MTMR1: variants seen among roughly 807,000 people sequenced by gnomAD.
MTMR1 encodes myotubularin related protein 1, also known as phosphatidylinositol-3-phosphate phosphatase MTMR1.
In MTMR1, 17 loss-of-function variants were observed where a neutral mutation model predicts 51.6. The ratio of observed to expected loss-of-function variants is 0.33; its 90% confidence interval spans 0.23 to 0.49. The LOEUF (loss-of-function observed/expected upper bound fraction) is 0.49. Ranked by LOEUF, MTMR1 falls within the 20% of genes least tolerant of loss-of-function variation. The pLI is 0.99. For synonymous variants in MTMR1, 201 were observed against 205.6 expected (o/e 0.98, Z 0.19); for missense variants, 386 against 526.9 (o/e 0.73, Z 2.62).
intron 11 of MTMR1, 89 bp from the exon 12 acceptor site, chrX:150,737,153 C>A (rs2042296625): frequency 1.1e-6 from 1 of 915,550 alleles, no homozygotes; most frequent in South Asian, 2.3e-5. Flanking sequence ...ACCAGAACTT[C>A]CAAAGCTCTC....
chrX:150,745,444 C>G (rs1212030573), intron 13 of MTMR1, among the ~76,000 whole-genome samples: 2 of 111,842 alleles, frequency 1.8e-5, no homozygotes, highest in Non-Finnish European at 3.8e-5. Flanking sequence ...CTTGATTGAT[C>G]CTCCCGCAGC....
At chrX:150,720,776 T>C (rs2041720897) in intron 4 of MTMR1, among the ~76,000 whole-genome samples, 1 of 112,192 alleles carries the variant, frequency 8.9e-6, no homozygotes, top group South Asian at 3.7e-4. Flanking sequence ...CCCTTCCAAT[T>C]TGAATGCCTT....
chrX:150,696,911 A>C lies in MTMR1; in HGVS notation c.147-2284A>C, dbSNP rs178433. ...TGGGAGCAGGTGGAGGAAGGGGTCA[A>C]CCTTCTTCTCCGCTTTCCCCCACAG... On this transcript the variant is annotated intron_variant, in intron 1 of 15. Transcript: ENST00000445323. Among the ~76,000 whole-genome samples the C allele has an allele frequency of 5.1e-4, 57 of 111,313 alleles. 1 individual carries two copies. Among genetic ancestry groups the C allele is most frequent in the African/African-American group, 1.8e-3 (56 of 30,526 alleles).
At chrX:150,747,764 G>T (rs1557417493) in intron 13 of MTMR1, among the ~76,000 whole-genome samples, 1 of 110,695 alleles carries the variant, frequency 9.0e-6, no homozygotes, top group Non-Finnish European at 1.9e-5. Context: ...ACTGAGCCCT[G>T]CCCACTTTGA....
chrX:150,762,796 T>G lies in MTMR1; in HGVS notation c.*67T>G. ...CAGGAAAGGGACCTGGCGATCACTG[T>G]TATGGCTGTAGCTTGTGATCTTGTC... On this transcript the variant is annotated 3_prime_UTR_variant, in exon 16 of 16. Coordinates refer to ENST00000445323, the MANE Select transcript of MTMR1 (RefSeq NM_001306144.3). The G allele has an allele frequency of 1.9e-6, 2 of 1,068,111 alleles. No individual in the cohort carries two copies. Among genetic ancestry groups the G allele is most frequent in the Non-Finnish European group, 2.5e-6 (2 of 807,346 alleles). 88.0% of individuals were successfully genotyped at this position (1,068,111 alleles called of 1,213,427 possible). A position where few individuals can be genotyped will look rare whatever the true frequency, so the allele number is the denominator to read the frequency against.
At position 150,751,579 on chromosome X, in the gene MTMR1, G is replaced by A. The variant is rs1330198034; in HGVS notation, c.1680+736G>A. Among the ~76,000 whole-genome samples, 3 of 110,841 alleles carry A rather than the reference G, an allele frequency of 2.7e-5. No individual in the cohort carries two copies. In the Admixed American group the frequency reaches 2.9e-4, roughly 11 times the overall value. On this transcript the variant is annotated intron_variant, in intron 14 of 15. Transcript: ENST00000445323. ...GGTCCTGCCTCTTTCCTGCCTCCTC[G>A]GCCTCCCCTGCTCAGTCTCCTCTGA...
intron 3 of MTMR1, chrX:150,714,641 ATAG>A: frequency 2.1e-6 from 1 of 479,632 alleles, no homozygotes; most frequent in Non-Finnish European, 3.0e-6. Flanking sequence ...CTCTACCACA[ATAG>A]TAGTGCCCTC....
intron 14 of MTMR1, chrX:150,751,239 A>C: frequency 1.3e-6 from 1 of 783,563 alleles, no homozygotes. Flanking sequence ...AGCCCACTTT[A>C]GGTAGCAAGC....
intron 13 of MTMR1, 28 bp downstream of exon 13, chrX:150,744,481 T>C: frequency 1.8e-6 from 2 of 1,087,878 alleles, no homozygotes; most frequent in Non-Finnish European, 2.5e-6. Context: ...TATTTCTATA[T>C]AGTCTTTGCT....
chrX:150,711,248 CTT>C (rs781817619), intron 2 of MTMR1, among the ~76,000 whole-genome samples: 1 of 112,254 alleles, frequency 8.9e-6, no homozygotes, highest in East Asian at 2.8e-4. Context: ...TATGTATAGA[CTT>C]TGTCTTTTAG....
At chrX:150,750,947 G>T in intron 14 of MTMR1, 104 bp downstream of exon 14, 5 of 1,031,771 alleles carry the variant, frequency 4.8e-6, no homozygotes, top group Non-Finnish European at 6.7e-6. Context: ...CTGCGCTCTG[G>T]TGCTATTGCT....
At chrX:150,762,467 G>A (rs2148689892) in intron 15 of MTMR1, 98 bp from the exon 16 acceptor site, 1 of 1,087,143 alleles carries the variant, frequency 9.2e-7, no homozygotes, top group Admixed American at 2.3e-5. Context: ...CCAGGAGTCT[G>A]GATGGTGAAA....
rs1325551411 is a variant in MTMR1 at position 150,727,291 on chromosome X, C to T, written c.429C>T (p.Tyr143=). The T allele has an allele frequency of 3.3e-6, 4 of 1,203,738 alleles. No individual in the cohort carries two copies. Among genetic ancestry groups the T allele is most frequent in the Non-Finnish European group, 4.5e-6 (4 of 890,540 alleles). Reference sequence around the variant, plus strand: ...TGACAGTGACGGACTTTAAGCTGTACTTCAAAAATGTCGAGAGGGTGAGTT... The same window carrying T: ...TGACAGTGACGGACTTTAAGCTGTATTTCAAAAATGTCGAGAGGGTGAGTT... ...GTLTVTDFKL[Y]FKNVERDPHF... Residue 143 remains tyrosine, a synonymous_variant, in exon 5 of 16, where the codon TAC becomes TAT. Coordinates refer to ENST00000445323, the MANE Select transcript of MTMR1 (RefSeq NM_001306144.3).
rs73622453 is a variant in MTMR1, at chrX:150,727,069, A to G, written c.353-146A>G. 1.9e-3 allele frequency: 703 copies of G among 371,477 alleles called. 6 individuals are homozygous for G. The highest frequency in any genetic ancestry group is 0.015 in the African/African-American group (589 of 38,552). The allele number at this position is 371,477 out of a possible 1,213,427, so 30.6% of individuals were successfully genotyped here. A position where few individuals can be genotyped will look rare whatever the true frequency, so the allele number is the denominator to read the frequency against. On this transcript the variant is annotated intron_variant, in intron 4 of 15. Coordinates refer to ENST00000445323, the MANE Select transcript of MTMR1 (RefSeq NM_001306144.3). ...ATTAGAAGACTATGCATCTCTCTAT[A>G]TTGAAAGTCATAATTGATATAATCC...
At chrX:150,737,652 A>C (rs1557417223) in intron 12 of MTMR1, among the ~76,000 whole-genome samples, 1 of 112,477 alleles carries the variant, frequency 8.9e-6, no homozygotes, top group Non-Finnish European at 1.9e-5. Flanking sequence ...ATTTTAGTGT[A>C]TTTATGCCTT....
In MTMR1 at chrX:150,732,562, G is replaced by A. The variant is rs782426732; in HGVS notation, c.912G>A (p.Pro304=). Residue 304 remains proline (P), a synonymous_variant, in exon 10 of 16, where the codon CCG becomes CCA. Coordinates refer to ENST00000445323, the MANE Select transcript of MTMR1 (RefSeq NM_001306144.3). ...GRVPVLSWIH[P]ESQATITRCS... is the part of the protein sequence containing the mutation. ...ACTAGGTGTTGTCATGGATTCATCC[G>A]GAAAGTCAAGCAACGATTACCCGTT... The A allele has an allele frequency of 9.9e-6, 12 of 1,208,086 alleles. No homozygotes were observed. Among genetic ancestry groups the A allele is most frequent in the South Asian group, 3.6e-5 (2 of 56,306 alleles).
intron 4 of MTMR1, among the ~76,000 whole-genome samples, chrX:150,723,239 G>A (rs1386811712): frequency 9.9e-5 from 11 of 111,079 alleles, no homozygotes; most frequent in African/African-American, 3.3e-5. Context: ...ACATTTTCTT[G>A]ATCCAGTCTA....
chrX:150,736,453 C>A, intron 10 of MTMR1, 142 bp from the exon 11 acceptor site: 1 of 492,415 alleles, frequency 2.0e-6, no homozygotes, highest in Non-Finnish European at 3.2e-6. Flanking sequence ...TTTCCAGCAG[C>A]CCTAGGAAAC....
chrX:150,761,876 G>A (rs2148688192), intron 15 of MTMR1, among the ~76,000 whole-genome samples: 1 of 112,332 alleles, frequency 8.9e-6, no homozygotes, highest in African/African-American at 3.2e-5. Context: ...ATATGCCCCG[G>A]GAAAACCTTT....
Sources: gnomAD v4.1 joint callset for allele counts (sites outside exome capture counted in the v4.1 genomes callset) on GRCh38, gnomAD v4.1.1 for gene constraint, MANE v1.5 for transcripts, NCBI Gene and HGNC (gene_info 2026-07-23, HGNC 2026-07-21) for gene names.